NKAIN2: variants seen among roughly 807,000 people sequenced by gnomAD.
The protein encoded by NKAIN2 is sodium/potassium transporting ATPase interacting 2.
Under a neutral mutation model 32.6 loss-of-function variants are expected in NKAIN2, and 14 were observed. That is an observed-to-expected ratio of 0.43 (90% CI 0.28 to 0.67). The LOEUF (loss-of-function observed/expected upper bound fraction) is 0.67, where lower values mean the gene tolerates loss of function less well. Ranked by LOEUF, NKAIN2 falls within the 30% of genes least tolerant of loss-of-function variation. The pLI, the probability that NKAIN2 is intolerant of heterozygous loss-of-function variation, is 0.17. For missense variants in NKAIN2, 198 were observed against 258.3 expected (o/e 0.77, Z 1.60); for synonymous variants, 80 against 87.2 (o/e 0.92, Z 0.46).
intron 1 of NKAIN2, among the ~76,000 whole-genome samples, chr6:124,185,184 A>C (rs1014002732): frequency 6.6e-6 from 1 of 152,018 alleles, no homozygotes; most frequent in Non-Finnish European, 1.5e-5. Context: ...CTTGAACTGG[A>C]CTCTTTCATA....
intron 2 of NKAIN2, among the ~76,000 whole-genome samples, chr6:124,349,144 T>A (rs562090442): frequency 2.4e-4 from 36 of 152,228 alleles, no homozygotes; most frequent in Admixed American, 3.9e-4. Context: ...GTGGACATAT[T>A]GTAGGGTGAG....
At chr6:124,796,808 T>C (rs1044012968) in intron 5 of NKAIN2, among the ~76,000 whole-genome samples, 47 of 152,132 alleles carry the variant, frequency 3.1e-4, no homozygotes, top group African/African-American at 1.1e-3. Context: ...AGAAAAGGCT[T>C]TCTCCAGGAA....
At chr6:124,359,888 A>G (rs1434520551) in intron 3 of NKAIN2, among the ~76,000 whole-genome samples, 3 of 152,164 alleles carry the variant, frequency 2.0e-5, no homozygotes, top group African/African-American at 7.2e-5. Context: ...TTGCCCATTC[A>G]GTATGATATT....
intron 4 of NKAIN2, among the ~76,000 whole-genome samples, chr6:124,770,074 C>A (rs1207334911): frequency 6.6e-6 from 1 of 152,142 alleles, no homozygotes; most frequent in Non-Finnish European, 1.5e-5. Context: ...CAAATGAGAA[C>A]AGTCAGCTTC....
At chr6:123,911,801 G>GTATATATATATATATGTGTA (rs200270867) in intron 1 of NKAIN2, among the ~76,000 whole-genome samples, 12 of 58,420 alleles carry the variant, frequency 2.1e-4, no homozygotes, top group South Asian at 5.9e-4. Context: ...ATATATATAT[G>GTATATATATATATATGTGTA]TATATATATA....
intron 1 of NKAIN2, among the ~76,000 whole-genome samples, chr6:123,944,380 C>T (rs1776971945): frequency 6.6e-6 from 1 of 152,056 alleles, no homozygotes; most frequent in Non-Finnish European, 1.5e-5. Context: ...CAAAGGAAAC[C>T]CTAACCCAGC....
At chr6:124,631,875 TGTCTGATTTCAAATAAAAACTCCGAAAGA>T (rs1283785733) in intron 3 of NKAIN2, among the ~76,000 whole-genome samples, 1 of 152,154 alleles carries the variant, frequency 6.6e-6, no homozygotes, top group Non-Finnish European at 1.5e-5. Context: ...GTTTAATCAG[TGTCTGATTTCAAATAAAAACTCCGAAAGA>T]GTCTGATCAG....
chr6:124,635,779 C>A (rs1213236086), intron 3 of NKAIN2, among the ~76,000 whole-genome samples: 1 of 151,720 alleles, frequency 6.6e-6, no homozygotes, highest in South Asian at 2.1e-4. Context: ...AATGGAGCAC[C>A]CAGATACATA....
chr6:124,481,395 T>G (rs1177536763), intron 3 of NKAIN2, among the ~76,000 whole-genome samples: 2 of 152,026 alleles, frequency 1.3e-5, no homozygotes, highest in East Asian at 3.9e-4. Flanking sequence ...TTTTATTCCA[T>G]AAACACAGAT....
At chr6:124,028,455 T>C (rs1308932091) in intron 1 of NKAIN2, among the ~76,000 whole-genome samples, 1 of 150,922 alleles carries the variant, frequency 6.6e-6, no homozygotes, top group Admixed American at 6.6e-5. Flanking sequence ...GACGAGTTAA[T>C]GGGTGCAGCA....
chr6:124,051,637 C>T (rs973435319), intron 1 of NKAIN2, among the ~76,000 whole-genome samples: 6 of 151,888 alleles, frequency 4.0e-5, no homozygotes, highest in African/African-American at 1.5e-4. Flanking sequence ...AAGCCAATTA[C>T]CTTCTTTCTT....
intron 1 of NKAIN2, among the ~76,000 whole-genome samples, chr6:124,279,100 T>G (rs1795177417): frequency 6.6e-6 from 1 of 152,130 alleles, no homozygotes. Context: ...GCCTATATGC[T>G]CCATCTACAT....
intron 3 of NKAIN2, among the ~76,000 whole-genome samples, chr6:124,612,640 A>G (rs184255390): frequency 6.6e-6 from 1 of 152,306 alleles, no homozygotes; most frequent in African/African-American, 2.4e-5. Flanking sequence ...CTGGAGCAGC[A>G]CTTTCTTTGC....
At chr6:124,659,047 A>G (rs530902785) in intron 4 of NKAIN2, 1 of 152,302 alleles carries the variant, frequency 6.6e-6, no homozygotes, top group East Asian at 1.9e-4. Flanking sequence ...TATATAAAAT[A>G]CATGATTTAA....
chr6:124,576,470 C>G (rs1334183479), intron 3 of NKAIN2, among the ~76,000 whole-genome samples: 1 of 152,142 alleles, frequency 6.6e-6, no homozygotes, highest in Non-Finnish European at 1.5e-5. Context: ...GCGAACCACA[C>G]TGGGCTGGAC....
chr6:123,957,478 T>C (rs1029432376), intron 1 of NKAIN2, among the ~76,000 whole-genome samples: 5 of 152,222 alleles, frequency 3.3e-5, no homozygotes, highest in Non-Finnish European at 5.9e-5. Context: ...GTCTAGATTT[T>C]TCAATATATA....
intron 4 of NKAIN2, among the ~76,000 whole-genome samples, chr6:124,663,860 C>T (rs917627312): frequency 2.0e-5 from 3 of 151,902 alleles, no homozygotes; most frequent in Non-Finnish European, 2.9e-5. Flanking sequence ...AAGTTGCTGC[C>T]GTTGAGTGTC....
At chr6:123,979,854 T>C (rs555193706) in intron 1 of NKAIN2, among the ~76,000 whole-genome samples, 1 of 151,870 alleles carries the variant, frequency 6.6e-6, no homozygotes, top group East Asian at 1.9e-4. Flanking sequence ...GAGTAGAGTC[T>C]CTAGCTCTTG....
intron 4 of NKAIN2, among the ~76,000 whole-genome samples, chr6:124,734,985 T>C (rs1483506780): frequency 6.6e-6 from 1 of 151,918 alleles, no homozygotes. Flanking sequence ...TCTCTACTGC[T>C]CTAGAAAGGT....
Sources: gnomAD v4.1 joint callset for allele counts (sites outside exome capture counted in the v4.1 genomes callset) on GRCh38, gnomAD v4.1.1 for gene constraint, MANE v1.5 for transcripts, NCBI Gene and HGNC (gene_info 2026-07-23, HGNC 2026-07-21) for gene names.